Variants in PSMB3 observed in about 807,000 individuals in gnomAD.
PSMB3 encodes proteasome 20S subunit beta 3, also known as proteasome subunit beta type-3.
A neutral mutation model predicts 23.3 loss-of-function variants in PSMB3; 5 were observed. That is an observed-to-expected ratio of 0.21 (90% CI 0.11 to 0.45). The LOEUF (loss-of-function observed/expected upper bound fraction) is 0.45. Among genes scored for constraint, PSMB3 ranks in the 20% least tolerant of loss-of-function variants. The pLI, the probability that PSMB3 is intolerant of heterozygous loss-of-function variation, is 0.99. For missense variants in PSMB3, 192 were observed against 277.9 expected (o/e 0.69, Z 2.20); for synonymous variants, 85 against 99.8 (o/e 0.85, Z 0.88).
Position 38,752,749 on chromosome 17 carries a change from G to C in PSMB3, c.-78G>C. ...TCAGCCAATGAAGAGACAGCAGTGA[G>C]AGCGGTTGCGCAGTGAAGGCTAGAC... On this transcript the variant is annotated 5_prime_UTR_variant, in exon 1 of 6. Coordinates refer to ENST00000619426, the MANE Select transcript of PSMB3 (RefSeq NM_002795.4). The surrounding 1 kb of genome is among the most constrained non-coding windows in gnomAD (Gnocchi z 5.5). 1.3e-6 allele frequency: 2 copies of C among 1,562,638 alleles called. No individual in the cohort carries two copies. Among genetic ancestry groups the C allele is most frequent in the African/African-American group, 1.4e-5 (1 of 73,998 alleles).
intron 3 of PSMB3, among the ~76,000 whole-genome samples, chr17:38,760,180 C>G (rs65926): frequency 0.79 from 120,092 of 152,124 alleles, 47,569 homozygotes; most frequent in Middle Eastern, 0.87. Context: ...AAAGAAGGAG[C>G]ACAAGAGGGT....
intron 3 of PSMB3, among the ~76,000 whole-genome samples, chr17:38,758,351 A>T (rs1332658774): frequency 6.6e-6 from 1 of 151,474 alleles, no homozygotes; most frequent in Non-Finnish European, 1.5e-5. Context: ...TTTTATTATT[A>T]TTATTTTTTT....
At chr17:38,755,002 C>CTTTTTTTT (rs144817163) in intron 2 of PSMB3, among the ~76,000 whole-genome samples, 1 of 147,754 alleles carries the variant, frequency 6.8e-6, no homozygotes, top group African/African-American at 2.5e-5. Flanking sequence ...GGTGCTGCCC[C>CTTTTTTTT]CTTTTTTTTT....
intron 2 of PSMB3, among the ~76,000 whole-genome samples, chr17:38,753,757 G>A (rs1320245774): frequency 6.6e-6 from 1 of 152,190 alleles, no homozygotes; most frequent in Non-Finnish European, 1.5e-5. Context: ...GGGATTACAG[G>A]CATGAGCCAC....
intron 2 of PSMB3, 53 bp downstream of exon 2, chr17:38,753,387 C>T: frequency 6.4e-7 from 1 of 1,561,200 alleles, no homozygotes; most frequent in Non-Finnish European, 8.7e-7. Context: ...GACCATCCAA[C>T]CCCGGCGTCT....
intron 3 of PSMB3, among the ~76,000 whole-genome samples, chr17:38,757,500 A>G (rs1908253191): frequency 6.6e-6 from 1 of 151,406 alleles, no homozygotes; most frequent in African/African-American, 2.4e-5. Context: ...CCTTGGTGAC[A>G]GAGTGAGACT....
chr17:38,760,675 G>T (rs577778194), intron 4 of PSMB3, 67 bp downstream of exon 4: 2 of 1,569,922 alleles, frequency 1.3e-6, no homozygotes, highest in African/African-American at 2.7e-5. Flanking sequence ...GGAAAAAAGT[G>T]TGTTTATGTG....
chr17:38,755,670 A>ATGTGTGTGTG (rs1303372813), intron 2 of PSMB3, among the ~76,000 whole-genome samples: 2 of 85,542 alleles, frequency 2.3e-5, no homozygotes, highest in Non-Finnish European at 5.0e-5. Context: ...ATATATATAT[A>ATGTGTGTGTG]TATATATATA....
intron 3 of PSMB3, among the ~76,000 whole-genome samples, chr17:38,757,591 C>T (rs375218629): frequency 3.3e-5 from 5 of 149,738 alleles, no homozygotes; most frequent in South Asian, 4.4e-4. Flanking sequence ...CCAAGGTGGG[C>T]GGATCACGAG....
Position 38,752,819 on chromosome 17 carries a change from C to T in PSMB3, c.-8C>T, listed in dbSNP as rs1907991820. ...CTGGCGATCGAGGGATCCTAGTACA[C>T]CGCAATCATGGTGAGATGGGGAGTT... On this transcript the variant is annotated 5_prime_UTR_variant, in exon 1 of 6. Transcript: ENST00000619426. This position sits in a 1 kb window ranked among gnomAD's most constrained non-coding sequence, Gnocchi z 5.5. 1.2e-6 allele frequency: 2 copies of T among 1,614,042 alleles called. No individual in the cohort carries two copies. The highest frequency in any genetic ancestry group is 1.7e-6 in the Non-Finnish European group (2 of 1,180,000).
chr17:38,763,209 C>T (rs567429207), intron 5 of PSMB3, among the ~76,000 whole-genome samples: 6 of 151,992 alleles, frequency 3.9e-5, no homozygotes, highest in Admixed American at 1.3e-4. Context: ...ATAAAATTAG[C>T]CAGACGTGGT....
rs776364505 is a variant in PSMB3, at chr17:38,752,814, G to C, written c.-13G>C. 2 of 1,614,138 alleles carry C rather than the reference G, an allele frequency of 1.2e-6. No homozygotes were observed. The highest frequency in any genetic ancestry group is 1.3e-5 in the African/African-American group (1 of 75,052). On this transcript the variant is annotated 5_prime_UTR_variant, in exon 1 of 6. Transcript: ENST00000619426. The surrounding 1 kb of genome is among the most constrained non-coding windows in gnomAD (Gnocchi z 5.5). ...TTGCTCTGGCGATCGAGGGATCCTAGTACACCGCAATCATGGTGAGATGGG... is the reference window on the plus strand; with the variant it reads ...TTGCTCTGGCGATCGAGGGATCCTACTACACCGCAATCATGGTGAGATGGG...
In PSMB3 at chr17:38,762,234, G is replaced by A. The variant is rs549075843; in HGVS notation, c.475-177G>A. ...CTTTCACTTTCCTTTACATAATTCT[G>A]CTTCCTTCCAAGGAAGGAGCTGAGA... On this transcript the variant is annotated intron_variant, in intron 4 of 5. Coordinates refer to ENST00000619426, the MANE Select transcript of PSMB3 (RefSeq NM_002795.4). 12 of 589,980 alleles carry A rather than the reference G, an allele frequency of 2.0e-5. No homozygotes were observed. In the South Asian group the frequency reaches 2.4e-4, roughly 12 times the overall value. 36.5% of individuals were successfully genotyped at this position (589,980 alleles called of 1,614,324 possible). A position where few individuals can be genotyped will look rare whatever the true frequency, so the allele number is the denominator to read the frequency against.
At chr17:38,762,861 TC>T (rs1443651673) in intron 5 of PSMB3, among the ~76,000 whole-genome samples, 8 of 152,110 alleles carry the variant, frequency 5.3e-5, no homozygotes, top group Non-Finnish European at 1.2e-4. Flanking sequence ...CCAGCCCAGA[TC>T]TGTGTGATGT....
intron 3 of PSMB3, 102 bp downstream of exon 3, chr17:38,756,092 A>G: frequency 2.1e-6 from 2 of 957,020 alleles, no homozygotes; most frequent in South Asian, 2.9e-5. Flanking sequence ...TCCATCTCTT[A>G]TTTGCAGGAT....
intron 4 of PSMB3, among the ~76,000 whole-genome samples, chr17:38,761,778 C>T (rs1328213362): frequency 2.0e-5 from 3 of 152,148 alleles, no homozygotes; most frequent in Admixed American, 1.3e-4. Flanking sequence ...GCCATAGGAA[C>T]CTAGGGAATC....
rs1227277801 is a variant in PSMB3 at position 38,760,557 on chromosome 17, C to T, written c.423C>T (p.Thr141=). Residue 141 remains threonine (T), a synonymous_variant, in exon 4 of 6, where the codon ACC becomes ACT. Transcript: ENST00000619426. ...CTGATGACTTTGTGGTCAGTGGCAC[C>T]TGCGCCGAACAAATGTACGGAATGT... The part of the protein sequence containing the change: ...MVTDDFVVSG[T]CAEQMYGMCE... 3 of 1,614,146 alleles carry T rather than the reference C, an allele frequency of 1.9e-6. No individual in the cohort carries two copies. The African/African-American group carries it at 4.0e-5, about 22-fold the overall frequency.
chr17:38,755,682 ATGTGTG>A (rs67600372), intron 2 of PSMB3, among the ~76,000 whole-genome samples, 195 bp from the exon 3 acceptor site: 1,702 of 90,238 alleles, frequency 0.019, 52 homozygotes, highest in African/African-American at 0.068. Flanking sequence ...ATATATATAT[ATGTGTG>A]TGTGTGTGTG....
chr17:38,758,098 T>C (rs1341592530), intron 3 of PSMB3, among the ~76,000 whole-genome samples: 1 of 152,176 alleles, frequency 6.6e-6, no homozygotes, highest in African/African-American at 2.4e-5. Flanking sequence ...ACTGCAGTGT[T>C]TCAGACAGAG....
Sources: allele counts gnomAD v4.1 joint callset (sites outside exome capture counted in the v4.1 genomes callset), GRCh38; gene constraint gnomAD v4.1.1; non-coding constraint Gnocchi (gnomAD v3.1); transcripts MANE v1.5; gene names NCBI Gene and HGNC (gene_info 2026-07-23, HGNC 2026-07-21).